Variants in ZNF385D observed in about 807,000 individuals in gnomAD.
ZNF385D encodes zinc finger protein 385D, also known as zinc finger protein 659.
ZNF385D carries 15 observed loss-of-function variants against 35.8 expected under a neutral mutation model. That is an observed-to-expected ratio of 0.42 (90% CI 0.28 to 0.64). The LOEUF (loss-of-function observed/expected upper bound fraction) is 0.64. Ranked by LOEUF, ZNF385D falls within the 30% of genes least tolerant of loss-of-function variation. The pLI is 0.23. For missense variants in ZNF385D, 474 were observed against 494.6 expected, an observed-to-expected ratio of 0.96 and a Z score of 0.39; for synonymous variants, 212 against 186.8, an observed-to-expected ratio of 1.13 and a Z score of -1.10.
At chr3:22,352,677 C>T (rs1469280812) in intron 2 of ZNF385D, among the ~76,000 whole-genome samples, 3 of 152,112 alleles carry the variant, frequency 2.0e-5, no homozygotes. Flanking sequence ...AGGTTTTCAC[C>T]AAGCAATTCC....
At chr3:21,958,550 CAAG>C (rs1702409180) in intron 3 of ZNF385D, among the ~76,000 whole-genome samples, 1 of 151,890 alleles carries the variant, frequency 6.6e-6, no homozygotes, top group Admixed American at 6.6e-5. Flanking sequence ...TTGTAACTGA[CAAG>C]AAGCTATATA....
chr3:21,623,272 C>T (rs1021444436), intron 2 of ZNF385D, among the ~76,000 whole-genome samples: 10 of 152,050 alleles, frequency 6.6e-5, no homozygotes, highest in African/African-American at 1.7e-4. Context: ...CCTATTTTAT[C>T]GTAAGTCATA....
intron 3 of ZNF385D, among the ~76,000 whole-genome samples, chr3:22,108,666 G>A (rs952237638): frequency 2.0e-5 from 3 of 152,084 alleles, no homozygotes; most frequent in African/African-American, 7.2e-5. Flanking sequence ...TGAAGTGAAC[G>A]TAGTTTATAA....
intron 3 of ZNF385D, among the ~76,000 whole-genome samples, chr3:21,997,344 T>C (rs1695531481): frequency 6.6e-6 from 1 of 152,086 alleles, no homozygotes; most frequent in Non-Finnish European, 1.5e-5. Flanking sequence ...CACTGGGGTC[T>C]GTCGTGTGGT....
chr3:21,499,499 G>A (rs1009398217), intron 4 of ZNF385D, among the ~76,000 whole-genome samples: 2 of 151,960 alleles, frequency 1.3e-5, no homozygotes, highest in Non-Finnish European at 1.5e-5. Context: ...GTGGGAGAAG[G>A]GTGAGGATTG....
chr3:22,162,286 G>T (rs1161750354), intron 3 of ZNF385D, among the ~76,000 whole-genome samples: 1 of 152,202 alleles, frequency 6.6e-6, no homozygotes, highest in Non-Finnish European at 1.5e-5. Context: ...ATTCAGAGGG[G>T]CTACAGACTA....
At chr3:22,061,390 T>C (rs1699678993) in intron 3 of ZNF385D, among the ~76,000 whole-genome samples, 1 of 152,158 alleles carries the variant, frequency 6.6e-6, no homozygotes, top group Admixed American at 6.5e-5. Flanking sequence ...TTCTAAGACA[T>C]TGTTACCCCT....
intron 3 of ZNF385D, among the ~76,000 whole-genome samples, chr3:22,056,841 T>C (rs1194079254): frequency 6.6e-6 from 1 of 152,200 alleles, no homozygotes; most frequent in Non-Finnish European, 1.5e-5. Flanking sequence ...TCAAATTAGC[T>C]CCATGTGTCT....
chr3:22,350,682 C>CTT (rs202040547), intron 2 of ZNF385D, among the ~76,000 whole-genome samples: 4 of 151,786 alleles, frequency 2.6e-5, no homozygotes, highest in African/African-American at 7.3e-5. Context: ...TAATGTATTT[C>CTT]TTTTTTTTGT....
rs376343277 is a variant in ZNF385D, at chr3:21,771,581, A to G, written c.326-106553T>C. The stretch of plus-strand genomic sequence containing the variant: ...ACACAATTACCTTAAAGATGCTCGA[A>G]CAGTTGAAGAAAGATGTGAAAAAAA... On this transcript the variant is annotated intron_variant, in intron 3 of 5. Transcript: ENST00000494108. Among the ~76,000 whole-genome samples the G allele has an allele frequency of 2.0e-5, 3 of 151,910 alleles. No homozygotes were observed. In the South Asian group the frequency reaches 6.2e-4, roughly 32 times the overall value.
chr3:21,638,499 C>T (rs1406116951), intron 2 of ZNF385D, among the ~76,000 whole-genome samples: 2 of 152,090 alleles, frequency 1.3e-5, no homozygotes. Flanking sequence ...GAGCCCATCC[C>T]TGCATCGCCC....
chr3:22,104,555 T>A (rs1702109895), intron 3 of ZNF385D, among the ~76,000 whole-genome samples: 2 of 152,152 alleles, frequency 1.3e-5, no homozygotes, highest in Admixed American at 1.3e-4. Flanking sequence ...TTTGCCGCGT[T>A]GTGTACTTCT....
chr3:22,113,688 T>C (rs1407565668), intron 3 of ZNF385D, among the ~76,000 whole-genome samples: 1 of 151,942 alleles, frequency 6.6e-6, no homozygotes, highest in Non-Finnish European at 1.5e-5. Flanking sequence ...AGGGATGAGG[T>C]ATTGACCAAA....
intron 3 of ZNF385D, among the ~76,000 whole-genome samples, chr3:21,813,719 C>G (rs1192137919): frequency 6.6e-6 from 1 of 152,104 alleles, no homozygotes; most frequent in South Asian, 2.1e-4. Flanking sequence ...ACCAAATCTA[C>G]GTCTGATTGG....
At chr3:21,964,422 A>AAAAAG in intron 3 of ZNF385D, among the ~76,000 whole-genome samples, 2 of 99,290 alleles carry the variant, frequency 2.0e-5, no homozygotes, top group Non-Finnish European at 3.6e-5. Flanking sequence ...TAAAAAAAAA[A>AAAAAG]AAAAAAAAAA....
Position 21,420,623 on chromosome 3 carries a change from A to T in ZNF385D, c.*591T>A, listed in dbSNP as rs1381512225. 1 of 152,296 alleles carries T rather than the reference A, an allele frequency of 6.6e-6. No individual in the cohort carries two copies. Among genetic ancestry groups the T allele is most frequent in the Non-Finnish European group, 1.5e-5 (1 of 68,132 alleles). 9.4% of individuals were successfully genotyped at this position (152,296 alleles called of 1,614,324 possible). A position where few individuals can be genotyped will look rare whatever the true frequency, so the allele number is the denominator to read the frequency against. ...AATAGTTGTTCATTCTACCTTTGCAATTCTTTAAAACCTAGTGGCATAGAT... is the reference window on the plus strand; with the variant it reads ...AATAGTTGTTCATTCTACCTTTGCATTTCTTTAAAACCTAGTGGCATAGAT... On this transcript the variant is annotated 3_prime_UTR_variant, in exon 8 of 8. Transcript: ENST00000281523.
At chr3:22,035,184 T>C (rs929774692) in intron 3 of ZNF385D, among the ~76,000 whole-genome samples, 15 of 152,206 alleles carry the variant, frequency 9.9e-5, no homozygotes, top group African/African-American at 3.6e-4. Flanking sequence ...TCATTTAGTT[T>C]GATCGCAATT....
chr3:22,189,963 C>G (rs1256423218), intron 2 of ZNF385D, among the ~76,000 whole-genome samples: 1 of 152,090 alleles, frequency 6.6e-6, no homozygotes, highest in South Asian at 2.1e-4. Context: ...CCTCATATTA[C>G]CATCTGTTAT....
chr3:21,471,329 A>C (rs1029463385), intron 4 of ZNF385D, among the ~76,000 whole-genome samples: 3 of 115,964 alleles, frequency 2.6e-5, no homozygotes, highest in Non-Finnish European at 5.3e-5. Context: ...ACACACACAC[A>C]CACACACCTT....
Sources: gnomAD v4.1 joint callset for allele counts (sites outside exome capture counted in the v4.1 genomes callset) on GRCh38, gnomAD v4.1.1 for gene constraint, MANE v1.5 for transcripts, NCBI Gene and HGNC (gene_info 2026-07-23, HGNC 2026-07-21) for gene names.